SLC7A14: variants seen among roughly 807,000 people sequenced by gnomAD.
SLC7A14 encodes gamma-aminobutyric acid transporter SLC7A14.
SLC7A14 carries 37 observed loss-of-function variants against 60.2 expected under a neutral mutation model. The observed-to-expected ratio is 0.61, with a 90% confidence interval of 0.47 to 0.81. The LOEUF (loss-of-function observed/expected upper bound fraction) is 0.81, where lower values mean the gene tolerates loss of function less well. Among genes scored for constraint, SLC7A14 ranks in the 30% least tolerant of loss-of-function variants. The pLI, the probability that SLC7A14 is intolerant of heterozygous loss-of-function variation, is 0.00. For synonymous variants in SLC7A14, 399 were observed against 395.8 expected, an observed-to-expected ratio of 1.01 and a Z score of -0.10; for missense variants, 886 against 982.7, an observed-to-expected ratio of 0.90 and a Z score of 1.32.
chr3:170,467,214 G>A lies in SLC7A14; in HGVS notation c.2157C>T (p.Asp719=). 6.2e-7 allele frequency: 1 copy of A among 1,614,012 alleles called. No individual in the cohort carries two copies. The highest frequency in any genetic ancestry group is 2.2e-5 in the East Asian group (1 of 44,842). ...CTTTGTCTTCAGTGGGCCCGCCCCA[G>A]TCCTCCTGGCTCTCGCCCTCTGTGG... ...SYATEGESQE[D]WGGPTEDKGF... is the part of the protein sequence containing the mutation. The change falls in exon 8 of 8, where the codon GAC becomes GAT. Residue 719 remains aspartate, a synonymous_variant. Transcript: ENST00000231706.
In SLC7A14 at chr3:170,553,330, A is replaced by G. The variant is rs565745674; in HGVS notation, c.-152-26242T>C. On this transcript the variant is annotated intron_variant, in intron 1 of 7. Transcript: ENST00000231706. ...CTAACTGTTCTAGTTCTTCTGAGAC[A>G]TTGATTAGTCTTGCAGCTCATAAAG... 2.0e-5 allele frequency among the ~76,000 whole-genome samples: 3 copies of G among 152,302 alleles called. No individual in the cohort carries two copies. The East Asian group carries it at 5.8e-4, about 29-fold the overall frequency.
chr3:170,552,524 C>T (rs1490367678), intron 1 of SLC7A14, among the ~76,000 whole-genome samples: 1 of 152,090 alleles, frequency 6.6e-6, no homozygotes, highest in East Asian at 1.9e-4. Flanking sequence ...GTGTGATTGT[C>T]TGGTTGTATA....
chr3:170,547,068 T>G (rs111828498), intron 1 of SLC7A14, among the ~76,000 whole-genome samples: 6,308 of 152,208 alleles, frequency 0.041, 418 homozygotes, highest in African/African-American at 0.14. Flanking sequence ...TGTGCAGCCA[T>G]GGCTGGGTCT....
intron 7 of SLC7A14, among the ~76,000 whole-genome samples, chr3:170,472,924 GCTTT>G (rs1739960917): frequency 6.6e-6 from 1 of 152,108 alleles, no homozygotes; most frequent in Non-Finnish European, 1.5e-5. Context: ...AATTGAATGG[GCTTT>G]CTTTATGATA....
Position 170,463,094 on chromosome 3 carries a change from T to C in SLC7A14, c.*3961A>G, listed in dbSNP as rs1210166683. The C allele has an allele frequency of 6.6e-6, 1 of 151,900 alleles. No homozygotes were observed. Among genetic ancestry groups the C allele is most frequent in the Non-Finnish European group, 1.5e-5 (1 of 68,032 alleles). The allele number at this position is 151,900 out of a possible 1,614,324, so 9.4% of individuals were successfully genotyped here. ...TCAGTTCCCCAATTATTTCCCACTC[T>C]CTCACCCGAGGAAAGCCAGTCAGCT... On this transcript the variant is annotated 3_prime_UTR_variant, in exon 8 of 8. Coordinates refer to ENST00000231706, the MANE Select transcript of SLC7A14 (RefSeq NM_020949.3).
chr3:170,529,408 G>A (rs1713608917), intron 1 of SLC7A14, among the ~76,000 whole-genome samples: 1 of 152,144 alleles, frequency 6.6e-6, no homozygotes, highest in Non-Finnish European at 1.5e-5. Flanking sequence ...TCACTATTGT[G>A]GCTTCAGTGT....
intron 2 of SLC7A14, among the ~76,000 whole-genome samples, chr3:170,521,139 A>AT (rs1161792763): frequency 6.6e-6 from 1 of 152,222 alleles, no homozygotes; most frequent in Non-Finnish European, 1.5e-5. Flanking sequence ...GCTTCCTCTG[A>AT]TAAGTTTTCT....
chr3:170,582,482 A>T (rs138001260), intron 1 of SLC7A14, among the ~76,000 whole-genome samples: 358 of 152,332 alleles, frequency 2.4e-3, no homozygotes, highest in Non-Finnish European at 4.3e-3. Flanking sequence ...GTGGCTAGCA[A>T]CTACCATGTT....
intron 2 of SLC7A14, among the ~76,000 whole-genome samples, chr3:170,520,357 C>T (rs1230881158): frequency 1.3e-5 from 2 of 152,134 alleles, no homozygotes; most frequent in Non-Finnish European, 2.9e-5. Flanking sequence ...GTGGTAGTTG[C>T]CACTATGACC....
chr3:170,555,490 A>C (rs1714461844), intron 1 of SLC7A14, among the ~76,000 whole-genome samples: 1 of 152,188 alleles, frequency 6.6e-6, no homozygotes, highest in African/African-American at 2.4e-5. Flanking sequence ...CCAGTCATGC[A>C]TTACATAATG....
At chr3:170,579,133 A>T (rs1450170976) in intron 1 of SLC7A14, among the ~76,000 whole-genome samples, 1 of 152,218 alleles carries the variant, frequency 6.6e-6, no homozygotes, top group Non-Finnish European at 1.5e-5. Context: ...TTTCATGACT[A>T]ATGAAATGAT....
intron 1 of SLC7A14, among the ~76,000 whole-genome samples, chr3:170,555,577 C>A: frequency 6.6e-6 from 1 of 152,192 alleles, no homozygotes; most frequent in Non-Finnish European, 1.5e-5. Flanking sequence ...CCCACACAAA[C>A]CCAGATGGTA....
intron 1 of SLC7A14, among the ~76,000 whole-genome samples, chr3:170,560,239 G>A (rs1475688645): frequency 6.6e-6 from 1 of 152,158 alleles, no homozygotes; most frequent in Admixed American, 6.5e-5. Context: ...TGTGTTAGCT[G>A]TAAATCTCCT....
Position 170,464,188 on chromosome 3 carries a change from G to A in SLC7A14, c.*2867C>T, listed in dbSNP as rs1405387809. 1 of 152,096 alleles carries A rather than the reference G, an allele frequency of 6.6e-6. No homozygotes were observed. The highest frequency in any genetic ancestry group is 1.9e-4 in the East Asian group (1 of 5,204). 9.4% of individuals were successfully genotyped at this position (152,096 alleles called of 1,614,324 possible). On this transcript the variant is annotated 3_prime_UTR_variant, in exon 8 of 8. Coordinates refer to ENST00000231706, the MANE Select transcript of SLC7A14 (RefSeq NM_020949.3). ...CTGCCTCAAATCCTTTTGAAATGAA[G>A]CAGAGTACCAATAAATAAGTAGAAT...
intron 4 of SLC7A14, chr3:170,496,252 G>A: frequency 2.1e-6 from 2 of 946,938 alleles, no homozygotes; most frequent in Non-Finnish European, 3.5e-6. Context: ...GCCAACCGCA[G>A]CTGGGCTGAG....
chr3:170,518,981 C>T (rs927986159), intron 2 of SLC7A14, among the ~76,000 whole-genome samples: 1 of 152,142 alleles, frequency 6.6e-6, no homozygotes, highest in Non-Finnish European at 1.5e-5. Context: ...CTGGTCCAAA[C>T]TTTCCATAAA....
intron 1 of SLC7A14, among the ~76,000 whole-genome samples, chr3:170,573,770 G>A (rs890365125): frequency 2.0e-5 from 3 of 152,214 alleles, no homozygotes; most frequent in African/African-American, 4.8e-5. Context: ...GTTTGGAAGA[G>A]TTCTCTTGTC....
At chr3:170,511,921 T>C (rs79408240) in intron 2 of SLC7A14, among the ~76,000 whole-genome samples, 3,447 of 152,290 alleles carry the variant, frequency 0.023, 125 homozygotes, top group African/African-American at 0.079. Flanking sequence ...AGTTTCCCAT[T>C]TTCTCACTCA....
chr3:170,553,890 T>G (rs1560278827), intron 1 of SLC7A14, among the ~76,000 whole-genome samples: 1 of 151,790 alleles, frequency 6.6e-6, no homozygotes, highest in Non-Finnish European at 1.5e-5. Context: ...TAATATTATC[T>G]TTTTTTTCTC....
Sources: gnomAD v4.1 joint callset for allele counts (sites outside exome capture counted in the v4.1 genomes callset) on GRCh38, gnomAD v4.1.1 for gene constraint, MANE v1.5 for transcripts, NCBI Gene and HGNC (gene_info 2026-07-23, HGNC 2026-07-21) for gene names.